Variants in TUBGCP3 observed in about 807,000 individuals in gnomAD.
TUBGCP3 encodes tubulin gamma complex component 3.
A neutral mutation model predicts 123.1 loss-of-function variants in TUBGCP3; 50 were observed. That is an observed-to-expected ratio of 0.41 (90% CI 0.32 to 0.51). The LOEUF is 0.51. Among genes scored for constraint, TUBGCP3 ranks in the 20% least tolerant of loss-of-function variants. TUBGCP3 has a pLI of 0.36. For missense variants in TUBGCP3, 882 were observed against 1,127.0 expected (o/e 0.78, Z 3.11); for synonymous variants, 405 against 413.9 (o/e 0.98, Z 0.26).
At chr13:112,544,246 G>T (rs1457340570) in intron 11 of TUBGCP3, among the ~76,000 whole-genome samples, 2 of 152,040 alleles carry the variant, frequency 1.3e-5, no homozygotes, top group Non-Finnish European at 2.9e-5. Flanking sequence ...AAGGTCAGGA[G>T]ATCGAGACCA....
chr13:112,531,090 T>C (rs1422395968), intron 11 of TUBGCP3, among the ~76,000 whole-genome samples: 1 of 152,188 alleles, frequency 6.6e-6, no homozygotes, highest in Non-Finnish European at 1.5e-5. Flanking sequence ...GAAATCTACT[T>C]CCAAGAGTAA....
Position 112,489,713 on chromosome 13 carries a change from T to C in TUBGCP3, c.2449-16A>G. 6.3e-7 allele frequency: 1 copy of C among 1,596,104 alleles called. No homozygotes were observed. The highest frequency in any genetic ancestry group is 8.6e-7 in the Non-Finnish European group (1 of 1,163,486). ...CCCACTGGCCCTGAACAATCAAAAG[T>C]ACCAAATGTCAGTAAAATCACGATG... On this transcript the variant is annotated splice_polypyrimidine_tract_variant and intron_variant, in intron 20 of 21. Transcript: ENST00000261965.
intron 20 of TUBGCP3, among the ~76,000 whole-genome samples, chr13:112,496,666 C>T (rs149157754): frequency 1.0e-3 from 152 of 152,242 alleles, no homozygotes; most frequent in East Asian, 4.1e-3. Flanking sequence ...ACACGGCCAG[C>T]GGACACGCCA....
chr13:112,522,988 G>T (rs1032376185), intron 13 of TUBGCP3, among the ~76,000 whole-genome samples: 9 of 152,126 alleles, frequency 5.9e-5, no homozygotes, highest in African/African-American at 2.2e-4. Context: ...ATGTCTAGGG[G>T]ACAAAACCAG....
At chr13:112,504,777 C>A in intron 17 of TUBGCP3, 63 bp from the exon 18 acceptor site, 1 of 1,307,236 alleles carries the variant, frequency 7.6e-7, no homozygotes, top group Non-Finnish European at 1.1e-6. Context: ...ACGCGCTGTT[C>A]TCCCTTACCC....
intron 20 of TUBGCP3, among the ~76,000 whole-genome samples, chr13:112,492,265 T>A (rs1880146492): frequency 6.6e-6 from 1 of 152,364 alleles, no homozygotes; most frequent in South Asian, 2.1e-4. Context: ...AAACAATATC[T>A]TTTGATGCTT....
At chr13:112,504,545 C>CATAT in intron 18 of TUBGCP3, 81 bp downstream of exon 18, 1 of 947,962 alleles carries the variant, frequency 1.1e-6, no homozygotes. Flanking sequence ...CACATACATA[C>CATAT]ACATATATAT....
Position 112,519,569 on chromosome 13 carries a change from CA to C in TUBGCP3, c.1881+316del, listed in dbSNP as rs1876441520. On this transcript the variant is annotated intron_variant, in intron 15 of 21. Transcript: ENST00000261965. This position sits in a 1 kb window ranked among gnomAD's most constrained non-coding sequence, Gnocchi z 6.2. Reference sequence around the variant, plus strand: ...TGGATTTACTATGAGAAGAAAGCACCATTTTCTAAGCATCTGTGATATGCTG... The same window carrying C: ...TGGATTTACTATGAGAAGAAAGCACCTTTTCTAAGCATCTGTGATATGCTG... 6.6e-6 allele frequency among the ~76,000 whole-genome samples: 1 copy of C among 152,184 alleles called. No homozygotes were observed.
chr13:112,526,221 C>T (rs9604336), intron 13 of TUBGCP3, among the ~76,000 whole-genome samples: 33,851 of 144,766 alleles, frequency 0.23, 4,158 homozygotes, highest in African/African-American at 0.34. Flanking sequence ...ACCATCATCA[C>T]CACCCATCCC....
At chr13:112,555,093 T>C (rs1015900826) in intron 6 of TUBGCP3, 88 bp from the exon 7 acceptor site, 2 of 778,994 alleles carry the variant, frequency 2.6e-6, no homozygotes, top group Admixed American at 2.6e-5. Flanking sequence ...TCAGATTAGA[T>C]ATTTGCCACC....
At chr13:112,570,626 TACTG>T (rs1881323255) in intron 1 of TUBGCP3, among the ~76,000 whole-genome samples, 1 of 152,246 alleles carries the variant, frequency 6.6e-6, no homozygotes, top group African/African-American at 2.4e-5. Flanking sequence ...TGTTGACGAC[TACTG>T]ACTGACCAGG....
intron 11 of TUBGCP3, among the ~76,000 whole-genome samples, chr13:112,531,577 C>T (rs1256499123): frequency 1.3e-5 from 2 of 152,148 alleles, no homozygotes; most frequent in Non-Finnish European, 2.9e-5. Context: ...ACAGACAACA[C>T]ACTAATTTAT....
Position 112,547,629 on chromosome 13 carries a change from G to A in TUBGCP3, c.1159C>T (p.His387Tyr). 2.6e-6 allele frequency: 4 copies of A among 1,537,554 alleles called. No individual in the cohort carries two copies. Among genetic ancestry groups the A allele is most frequent in the African/African-American group, 1.4e-5 (1 of 71,016 alleles). ...AAGACGCGCGTGGGACCTTGGCAGTGGTCCACTAGGGCCGCAAGGGTCTTC... is the reference window on the plus strand; with the variant it reads ...AAGACGCGCGTGGGACCTTGGCAGTAGTCCACTAGGGCCGCAAGGGTCTTC... ...RLKTLAALVD[H>Y]CQGRKGGELA... Residue 387 changes from histidine to tyrosine, a missense_variant, in exon 10 of 22, where the codon CAC becomes TAC. His to Tyr is a moderately conservative substitution (Grantham distance 83). Coordinates refer to ENST00000261965, the MANE Select transcript of TUBGCP3 (RefSeq NM_006322.6).
chr13:112,545,948 C>T lies in TUBGCP3; in HGVS notation c.1169-83G>A, dbSNP rs542249428. The T allele has an allele frequency of 7.4e-6, 11 of 1,477,612 alleles. No homozygotes were observed. The highest frequency in any genetic ancestry group is 2.8e-5 in the African/African-American group (2 of 72,046). The allele number at this position is 1,477,612 out of a possible 1,614,324, so 91.5% of individuals were successfully genotyped here. On this transcript the variant is annotated intron_variant, in intron 10 of 21. Transcript: ENST00000261965. The surrounding 1 kb of genome is among the most constrained non-coding windows in gnomAD (Gnocchi z 4.1). Reference sequence around the variant, plus strand: ...CCAGTCACTTCTCACCAACCAAAGACGCCCAAGTAATTGAGATAAAGAGCA... The same window carrying T: ...CCAGTCACTTCTCACCAACCAAAGATGCCCAAGTAATTGAGATAAAGAGCA...
At chr13:112,593,278 C>T in the TUBGCP3 span, among the ~76,000 whole-genome samples, 15,110 of 151,974 alleles carry the variant, frequency 0.099, 966 homozygotes, top group African/African-American at 0.18. Context: ...ATTAGCTGGG[C>T]GTAGTTGTAC....
intron 14 of TUBGCP3, chr13:112,521,964 C>T: frequency 2.0e-6 from 1 of 492,562 alleles, no homozygotes; most frequent in Non-Finnish European, 2.6e-6. Flanking sequence ...AAGTAAAATT[C>T]AACTTTAAAA....
At position 112,504,155 on chromosome 13, in the gene TUBGCP3, T is replaced by C; in HGVS notation, c.2184A>G (p.Glu728=). ...TGTTCCAAAGCTCATCCCAAGAACA[T>C]TCAAGCACCTGGGAAACAACAATTT... ...MQYYITFEVL[E]CSWDELWNKV... The change falls in exon 19 of 22, where the codon GAA becomes GAG. Residue 728 remains glutamate (E), a synonymous_variant. Transcript: ENST00000261965. 1 of 1,614,122 alleles carries C rather than the reference T, an allele frequency of 6.2e-7. No individual in the cohort carries two copies. Among genetic ancestry groups the C allele is most frequent in the Non-Finnish European group, 8.5e-7 (1 of 1,180,020 alleles).
At chr13:112,529,751 T>C (rs1247491276) in intron 11 of TUBGCP3, among the ~76,000 whole-genome samples, 1 of 152,190 alleles carries the variant, frequency 6.6e-6, no homozygotes, top group Non-Finnish European at 1.5e-5. Context: ...TATTTTCAAT[T>C]AAAAGCCAGA....
intron 19 of TUBGCP3, among the ~76,000 whole-genome samples, chr13:112,503,429 G>A (rs1214394817): frequency 3.9e-5 from 6 of 152,162 alleles, no homozygotes; most frequent in African/African-American, 1.4e-4. Context: ...CAGTGCAGTG[G>A]CGTGATCTCG....
Sources: gnomAD v4.1 joint callset for allele counts (sites outside exome capture counted in the v4.1 genomes callset) on GRCh38, gnomAD v4.1.1 for gene constraint, Gnocchi (gnomAD v3.1) non-coding constraint, MANE v1.5 for transcripts, NCBI Gene and HGNC (gene_info 2026-07-23, HGNC 2026-07-21) for gene names.